FOXN3: variants seen among roughly 807,000 people sequenced by gnomAD.
FOXN3 encodes forkhead box N3, also known as forkhead box protein N3.
In FOXN3, 7 loss-of-function variants were observed where a neutral mutation model predicts 38.4. The observed-to-expected ratio is 0.18, with a 90% CI of 0.10 to 0.34. FOXN3 has a LOEUF of 0.34. Among genes scored for constraint, FOXN3 ranks in the 10% least tolerant of loss-of-function variants. The pLI is 1.00. For synonymous variants in FOXN3, 230 were observed against 242.2 expected (o/e 0.95, Z 0.47); for missense variants, 456 against 613.4 (o/e 0.74, Z 2.71).
At chr14:89,318,997 G>A (rs1887821796) in intron 3 of FOXN3, among the ~76,000 whole-genome samples, 1 of 152,210 alleles carries the variant, frequency 6.6e-6, no homozygotes, top group Admixed American at 6.5e-5. Flanking sequence ...GGCCCAGACT[G>A]GGCCAACAGG....
At chr14:89,590,584 A>C (rs954817703) in intron 1 of FOXN3, among the ~76,000 whole-genome samples, 1 of 152,168 alleles carries the variant, frequency 6.6e-6, no homozygotes, top group Non-Finnish European at 1.5e-5. Flanking sequence ...ACAATACAAC[A>C]AAGTGGATGC....
At position 89,219,704 on chromosome 14, in the gene FOXN3, T is replaced by C. The variant is rs145775741; in HGVS notation, c.746-38898A>G. On this transcript the variant is annotated intron_variant, in intron 4 of 5. Transcript: ENST00000557258. ...GGAAAATGTGATAATAGCACCCCCT[T>C]CCCTTACAAACAAGTTGATACACGC... 5.9e-3 allele frequency among the ~76,000 whole-genome samples: 895 copies of C among 152,308 alleles called. 4 individuals carry two copies. The highest frequency in any genetic ancestry group is 9.5e-3 in the Non-Finnish European group (648 of 68,018).
At chr14:89,321,573 T>C (rs1032347240) in intron 3 of FOXN3, among the ~76,000 whole-genome samples, 4 of 152,042 alleles carry the variant, frequency 2.6e-5, no homozygotes, top group Non-Finnish European at 5.9e-5. Context: ...TGAGATTCTG[T>C]CTCAAAAAAA....
intron 5 of FOXN3, among the ~76,000 whole-genome samples, chr14:89,176,267 G>A (rs1454303690): frequency 6.6e-6 from 1 of 152,170 alleles, no homozygotes; most frequent in Admixed American, 6.5e-5. Context: ...AATAGAAGCT[G>A]TGTAATGATC....
chr14:89,504,640 C>A (rs181482163), intron 1 of FOXN3, among the ~76,000 whole-genome samples: 1 of 152,316 alleles, frequency 6.6e-6, no homozygotes, highest in Admixed American at 6.5e-5. Context: ...CACTTCCCCA[C>A]CAACCAAGTC....
At chr14:89,216,564 C>A (rs1377102196) in intron 4 of FOXN3, among the ~76,000 whole-genome samples, 1 of 152,152 alleles carries the variant, frequency 6.6e-6, no homozygotes, top group African/African-American at 2.4e-5. Context: ...CACACTCAGG[C>A]CCCTTTTTCC....
At chr14:89,237,910 T>C (rs1312805725) in intron 4 of FOXN3, among the ~76,000 whole-genome samples, 1 of 152,208 alleles carries the variant, frequency 6.6e-6, no homozygotes, top group Non-Finnish European at 1.5e-5. Context: ...CTGTGTGCTG[T>C]ACGATGGCAG....
At chr14:89,274,801 T>C (rs765456635) in intron 4 of FOXN3, among the ~76,000 whole-genome samples, 52 of 152,338 alleles carry the variant, frequency 3.4e-4, no homozygotes, top group Middle Eastern at 3.4e-3. Context: ...GATAAAGATA[T>C]GTACGAATTC....
intron 3 of FOXN3, among the ~76,000 whole-genome samples, chr14:89,292,045 A>G (rs1435137120): frequency 6.6e-6 from 1 of 152,114 alleles, no homozygotes; most frequent in East Asian, 1.9e-4. Flanking sequence ...CTCCCGCTCC[A>G]TCTTTCGGCA....
At chr14:89,267,321 T>G (rs952922667) in intron 4 of FOXN3, among the ~76,000 whole-genome samples, 20 of 152,144 alleles carry the variant, frequency 1.3e-4, no homozygotes, top group African/African-American at 4.6e-4. Context: ...GTGATTACAA[T>G]GCGCAAGTTG....
intron 4 of FOXN3, among the ~76,000 whole-genome samples, chr14:89,221,291 A>AT (rs1884453902): frequency 6.6e-6 from 1 of 152,182 alleles, no homozygotes. Context: ...TTCTATTGCT[A>AT]TGACAACCAA....
At chr14:89,396,271 A>C (rs1195225439) in intron 2 of FOXN3, among the ~76,000 whole-genome samples, 1 of 152,202 alleles carries the variant, frequency 6.6e-6, no homozygotes, top group Admixed American at 6.5e-5. Flanking sequence ...AAATAACACC[A>C]GTTTATGTCC....
At chr14:89,173,083 G>T (rs771827676) in intron 5 of FOXN3, among the ~76,000 whole-genome samples, 5 of 152,158 alleles carry the variant, frequency 3.3e-5, no homozygotes, top group Non-Finnish European at 5.9e-5. Flanking sequence ...AGATTGATAT[G>T]TAGACTATAC....
chr14:89,504,486 G>A (rs1596300260), intron 1 of FOXN3, among the ~76,000 whole-genome samples: 2 of 152,260 alleles, frequency 1.3e-5, no homozygotes, highest in African/African-American at 4.8e-5. Flanking sequence ...AATTCCCAAT[G>A]GACTAATTCT....
intron 1 of FOXN3, among the ~76,000 whole-genome samples, chr14:89,492,154 A>G (rs1340876850): frequency 6.6e-6 from 1 of 152,240 alleles, no homozygotes; most frequent in Non-Finnish European, 1.5e-5. Context: ...ATTGAGCCCA[A>G]GTTTTCCAAG....
intron 2 of FOXN3, among the ~76,000 whole-genome samples, chr14:89,360,739 G>GCAC (rs1263303206): frequency 5.5e-4 from 36 of 64,988 alleles, no homozygotes; most frequent in East Asian, 3.3e-3. Flanking sequence ...ACCACCTCCA[G>GCAC]CACCACCTCC....
chr14:89,555,622 T>C (rs945123631), intron 1 of FOXN3, among the ~76,000 whole-genome samples: 1 of 152,216 alleles, frequency 6.6e-6, no homozygotes, highest in Non-Finnish European at 1.5e-5. Flanking sequence ...GGAAATAATA[T>C]CTACACTGGT....
intron 3 of FOXN3, among the ~76,000 whole-genome samples, chr14:89,349,076 G>A (rs1198621587): frequency 6.6e-6 from 1 of 151,964 alleles, no homozygotes; most frequent in Non-Finnish European, 1.5e-5. Flanking sequence ...TTGGAGAGTC[G>A]GGGGGTGGGG....
intron 3 of FOXN3, among the ~76,000 whole-genome samples, chr14:89,339,805 G>T (rs373561772): frequency 6.6e-6 from 1 of 152,226 alleles, no homozygotes; most frequent in African/African-American, 2.4e-5. Flanking sequence ...GCAAATGCAG[G>T]TGAAGCTAAG....
Sources: allele counts gnomAD v4.1 joint callset (sites outside exome capture counted in the v4.1 genomes callset), GRCh38; gene constraint gnomAD v4.1.1; transcripts MANE v1.5; gene names NCBI Gene and HGNC (gene_info 2026-07-23, HGNC 2026-07-21).